DYNC1LI1: variants seen among roughly 807,000 people sequenced by gnomAD.
DYNC1LI1 encodes cytoplasmic dynein 1 light intermediate chain 1.
Under a neutral mutation model 63.8 loss-of-function variants are expected in DYNC1LI1, and 19 were observed. The observed-to-expected ratio is 0.30, with a 90% CI of 0.21 to 0.44. The LOEUF (loss-of-function observed/expected upper bound fraction) is 0.44. Ranked by LOEUF, DYNC1LI1 falls within the 20% of genes least tolerant of loss-of-function variation. DYNC1LI1 has a pLI of 1.00. For synonymous variants in DYNC1LI1, 225 were observed against 232.3 expected, an observed-to-expected ratio of 0.97 and a Z score of 0.28; for missense variants, 565 against 630.2, an observed-to-expected ratio of 0.90 and a Z score of 1.11.
At chr3:32,568,780 C>G (rs939335981) in intron 2 of DYNC1LI1, among the ~76,000 whole-genome samples, 1 of 152,142 alleles carries the variant, frequency 6.6e-6, no homozygotes, top group Non-Finnish European at 1.5e-5. Context: ...CTTACCTTTA[C>G]CATGACAGTG....
chr3:32,548,622 G>A (rs1559440246), intron 2 of DYNC1LI1, among the ~76,000 whole-genome samples: 3 of 152,106 alleles, frequency 2.0e-5, no homozygotes, highest in Admixed American at 1.3e-4. Context: ...GAGAGATGTT[G>A]GTCAAAGGTT....
intron 11 of DYNC1LI1, 141 bp from the exon 12 acceptor site, chr3:32,528,742 C>T: frequency 1.4e-6 from 1 of 720,484 alleles, no homozygotes; most frequent in Non-Finnish European, 2.1e-6. Context: ...CTAGTTTGAT[C>T]TTTTGATGCT....
At chr3:32,569,085 T>G (rs1375296344) in intron 2 of DYNC1LI1, among the ~76,000 whole-genome samples, 1 of 152,184 alleles carries the variant, frequency 6.6e-6, no homozygotes, top group Non-Finnish European at 1.5e-5. Flanking sequence ...ATTAACTCAT[T>G]TGATTCCCGC....
At chr3:32,558,452 C>T (rs1698146151) in intron 2 of DYNC1LI1, among the ~76,000 whole-genome samples, 1 of 149,870 alleles carries the variant, frequency 6.7e-6, no homozygotes, top group African/African-American at 2.5e-5. Context: ...TCTCAGATTC[C>T]ACACATGGTC....
intron 8 of DYNC1LI1, chr3:32,532,506 T>TATATATATATATAA (rs1375889866): frequency 6.9e-6 from 1 of 145,804 alleles, no homozygotes; most frequent in Non-Finnish European, 1.5e-5. Flanking sequence ...TATATATATA[T>TATATATATATATAA]AAAATTGAAA....
intron 6 of DYNC1LI1, among the ~76,000 whole-genome samples, chr3:32,535,564 C>T (rs372932892): frequency 2.0e-5 from 3 of 152,118 alleles, no homozygotes; most frequent in East Asian, 1.9e-4. Context: ...TACTTTGATA[C>T]GAAACTTTAA....
At chr3:32,534,270 C>T (rs771015796) in intron 7 of DYNC1LI1, among the ~76,000 whole-genome samples, 1 of 152,128 alleles carries the variant, frequency 6.6e-6, no homozygotes, top group Non-Finnish European at 1.5e-5. Flanking sequence ...CTAATATAGG[C>T]ACCCAGTAGA....
chr3:32,564,970 T>C (rs1433576263), intron 2 of DYNC1LI1, among the ~76,000 whole-genome samples: 1 of 152,220 alleles, frequency 6.6e-6, no homozygotes, highest in African/African-American at 2.4e-5. Context: ...CATAATAGTT[T>C]TATTCCTGAA....
chr3:32,534,877 C>T (rs1697754189), intron 6 of DYNC1LI1, among the ~76,000 whole-genome samples: 1 of 152,164 alleles, frequency 6.6e-6, no homozygotes, highest in African/African-American at 2.4e-5. Flanking sequence ...AGGCAGAAGT[C>T]TCATTAAGAC....
At chr3:32,530,206 A>G in intron 10 of DYNC1LI1, 78 bp downstream of exon 10, 2 of 1,178,652 alleles carry the variant, frequency 1.7e-6, no homozygotes, top group Non-Finnish European at 2.4e-6. Flanking sequence ...CATATGAAAT[A>G]TGTACATAAT....
At chr3:32,559,012 T>C (rs1218226040) in intron 2 of DYNC1LI1, among the ~76,000 whole-genome samples, 3 of 152,032 alleles carry the variant, frequency 2.0e-5, no homozygotes, top group Admixed American at 6.6e-5. Context: ...ACCATCTCTA[T>C]AGTGATGGAT....
rs557721617 is a variant in DYNC1LI1, at chr3:32,533,767, G to A, written c.969-670C>T. On this transcript the variant is annotated intron_variant, in intron 7 of 12. Coordinates refer to ENST00000273130, the MANE Select transcript of DYNC1LI1 (RefSeq NM_016141.4). ...GGTAGAGATGGGGTCTCACGATGTTGCTCAGGCTAGTCTTGGGCTCTTGGG... is the reference window on the plus strand; with the variant it reads ...GGTAGAGATGGGGTCTCACGATGTTACTCAGGCTAGTCTTGGGCTCTTGGG... 2.0e-5 allele frequency among the ~76,000 whole-genome samples: 3 copies of A among 151,896 alleles called. No individual in the cohort carries two copies. The South Asian group carries it at 6.2e-4, about 32-fold the overall frequency.
chr3:32,551,720 C>CA (rs1698045114), intron 2 of DYNC1LI1, among the ~76,000 whole-genome samples: 1 of 152,164 alleles, frequency 6.6e-6, no homozygotes, highest in South Asian at 2.1e-4. Context: ...AGAGAAGAGG[C>CA]AGACAGAGAA....
At chr3:32,545,502 TA>T (rs1325773890) in intron 3 of DYNC1LI1, 1 of 326,218 alleles carries the variant, frequency 3.1e-6, no homozygotes, top group Admixed American at 4.8e-5. Flanking sequence ...AGCTGATAGA[TA>T]AAAAAGCTGA....
At chr3:32,567,767 G>T (rs563483690) in intron 2 of DYNC1LI1, among the ~76,000 whole-genome samples, 3 of 146,946 alleles carry the variant, frequency 2.0e-5, no homozygotes, top group Non-Finnish European at 3.0e-5. Flanking sequence ...GCAGTGGCAC[G>T]ATCTTGGCTC....
intron 2 of DYNC1LI1, among the ~76,000 whole-genome samples, chr3:32,567,274 G>T (rs897489221): frequency 1.3e-5 from 2 of 152,268 alleles, no homozygotes; most frequent in East Asian, 3.9e-4. Context: ...TTGGTGCCCT[G>T]ATCAGGGAGG....
At chr3:32,556,032 T>C (rs1196384180) in intron 2 of DYNC1LI1, among the ~76,000 whole-genome samples, 1 of 152,100 alleles carries the variant, frequency 6.6e-6, no homozygotes, top group East Asian at 1.9e-4. Flanking sequence ...TTACAAAAGC[T>C]CCCTTACCTT....
At chr3:32,532,487 G>GTATATATATATATATA (rs140866478) in intron 8 of DYNC1LI1, 6 of 125,370 alleles carry the variant, frequency 4.8e-5, no homozygotes, top group Non-Finnish European at 8.3e-5. Context: ...AAAAATGTGT[G>GTATATATATATATATA]TATATATATA....
intron 2 of DYNC1LI1, among the ~76,000 whole-genome samples, chr3:32,565,901 C>A (rs1698252833): frequency 6.6e-6 from 1 of 152,190 alleles, no homozygotes; most frequent in Non-Finnish European, 1.5e-5. Flanking sequence ...AGCCATGGGG[C>A]CGGCCTCAGG....
Sources: allele counts gnomAD v4.1 joint callset (sites outside exome capture counted in the v4.1 genomes callset), GRCh38; gene constraint gnomAD v4.1.1; transcripts MANE v1.5; gene names NCBI Gene and HGNC (gene_info 2026-07-23, HGNC 2026-07-21).